Variants in PCDH7 observed in about 807,000 individuals in gnomAD.
PCDH7 encodes protocadherin-7.
Under a neutral mutation model 58.9 loss-of-function variants are expected in PCDH7, and 17 were observed. The ratio of observed to expected loss-of-function variants is 0.29; its 90% CI spans 0.20 to 0.43. PCDH7 has a LOEUF of 0.43. Ranked by LOEUF, PCDH7 falls within the 20% of genes least tolerant of loss-of-function variation. PCDH7 has a pLI of 1.00. For synonymous variants in PCDH7, 664 were observed against 616.4 expected (o/e 1.08, Z -1.14); for missense variants, 1,274 against 1,441.0 (o/e 0.88, Z 1.88).
At chr4:31,031,258 T>G (rs185521941) in intron 3 of PCDH7, among the ~76,000 whole-genome samples, 5 of 152,308 alleles carry the variant, frequency 3.3e-5, no homozygotes, top group East Asian at 3.9e-4. Flanking sequence ...CTGGAGACAT[T>G]TTTGTTTGTC....
intron 1 of PCDH7, among the ~76,000 whole-genome samples, chr4:30,846,145 C>T (rs1731915119): frequency 6.6e-6 from 1 of 152,010 alleles, no homozygotes. Flanking sequence ...CAGGGTTTCC[C>T]AATGTTGGCA....
chr4:30,840,364 C>G (rs1731052231), intron 1 of PCDH7, among the ~76,000 whole-genome samples: 1 of 152,068 alleles, frequency 6.6e-6, no homozygotes, highest in Non-Finnish European at 1.5e-5. Flanking sequence ...AGTGTGGTAA[C>G]CTTAAACTCG....
chr4:31,138,818 T>C (rs1257034756), intron 3 of PCDH7, among the ~76,000 whole-genome samples: 1 of 151,704 alleles, frequency 6.6e-6, no homozygotes, highest in African/African-American at 2.4e-5. Context: ...TTTGAAACAA[T>C]ACAAAAATTA....
intron 3 of PCDH7, among the ~76,000 whole-genome samples, chr4:30,964,804 C>T (rs1018894191): frequency 2.6e-5 from 4 of 152,048 alleles, no homozygotes; most frequent in Admixed American, 6.5e-5. Flanking sequence ...TTCCCTTTTC[C>T]ACATTTTACA....
intron 1 of PCDH7, among the ~76,000 whole-genome samples, chr4:30,828,519 A>G (rs1307256958): frequency 1.3e-5 from 2 of 151,918 alleles, no homozygotes; most frequent in African/African-American, 4.8e-5. Context: ...AGTTTCCCCC[A>G]TGAGAATGCA....
At chr4:30,737,674 T>C (rs1716495787), downstream of PCDH7, among the ~76,000 whole-genome samples, 2 of 152,192 alleles carry the variant, frequency 1.3e-5, no homozygotes, top group South Asian at 2.1e-4. Flanking sequence ...GCCTTCCACA[T>C]ATACCAGTAG....
intron 1 of PCDH7, among the ~76,000 whole-genome samples, chr4:30,776,814 C>T (rs887014047): frequency 7.9e-5 from 12 of 151,578 alleles, no homozygotes; most frequent in South Asian, 2.1e-4. Flanking sequence ...ATTAGGTACA[C>T]GTACTGGTTG....
At chr4:31,006,078 T>C (rs2109144443) in intron 3 of PCDH7, among the ~76,000 whole-genome samples, 1 of 152,284 alleles carries the variant, frequency 6.6e-6, no homozygotes, top group African/African-American at 2.4e-5. Flanking sequence ...TCAATACAAA[T>C]AAAGGGCTAA....
intron 3 of PCDH7, among the ~76,000 whole-genome samples, chr4:30,997,925 G>C (rs535192362): frequency 7.2e-5 from 11 of 151,928 alleles, no homozygotes; most frequent in South Asian, 2.1e-4. Context: ...GTGTGTGGAG[G>C]CTTCAGCAAA....
At chr4:30,731,359 G>GTATATATATATA (rs947195769) in exon 2 of PCDH7, 1 of 149,422 alleles carries the variant, frequency 6.7e-6, no homozygotes, top group African/African-American at 2.6e-5. Context: ...GTGTGTGTGT[G>GTATATATATATA]TGTATATATA....
At chr4:30,871,608 C>T (rs1433978350) in intron 1 of PCDH7, among the ~76,000 whole-genome samples, 3 of 152,078 alleles carry the variant, frequency 2.0e-5, no homozygotes, top group African/African-American at 7.2e-5. Flanking sequence ...CTGGTAACCT[C>T]TGCTAACTGT....
At position 31,042,971 on chromosome 4, in the gene PCDH7, C is replaced by G. The variant is rs543889637; in HGVS notation, c.*7+92756C>G. 3.8e-4 allele frequency among the ~76,000 whole-genome samples: 58 copies of G among 152,086 alleles called. 1 individual carries two copies. Among genetic ancestry groups the G allele is most frequent in the Non-Finnish European group, 6.8e-4 (46 of 68,006 alleles). On this transcript the variant is annotated intron_variant, in intron 3 of 3. Transcript: ENST00000509759. ...CCAAGGAAGCACAGGGTATCACATT[C>G]TGAGGGGCTCACAGGAGACAGCCAA...
intron 1 of PCDH7, among the ~76,000 whole-genome samples, chr4:30,778,013 C>G (rs1304932387): frequency 6.6e-6 from 1 of 152,034 alleles, no homozygotes; most frequent in Non-Finnish European, 1.5e-5. Flanking sequence ...ATCCTTTTAA[C>G]CCTTTGGAAA....
At chr4:30,995,468 T>C (rs1402650441) in intron 3 of PCDH7, among the ~76,000 whole-genome samples, 13 of 150,548 alleles carry the variant, frequency 8.6e-5, no homozygotes, top group Admixed American at 3.3e-4. Context: ...GTCGAGATCG[T>C]GCCACTGCAC....
chr4:30,976,585 G>A (rs1207757487), intron 3 of PCDH7, among the ~76,000 whole-genome samples: 1 of 151,544 alleles, frequency 6.6e-6, no homozygotes, highest in Non-Finnish European at 1.5e-5. Context: ...ATTTTTAGTA[G>A]AGATGGGGTT....
intron 2 of PCDH7, among the ~76,000 whole-genome samples, chr4:30,935,082 A>G (rs534841669): frequency 4.2e-4 from 64 of 152,270 alleles, no homozygotes; most frequent in African/African-American, 1.5e-3. Context: ...TAGATACATT[A>G]TTACTGAAGT....
At chr4:31,110,019 A>C (rs765905996) in intron 3 of PCDH7, among the ~76,000 whole-genome samples, 32 of 152,242 alleles carry the variant, frequency 2.1e-4, no homozygotes, top group Non-Finnish European at 4.3e-4. Context: ...AAGTATACCT[A>C]GAACACCATA....
At chr4:30,830,046 T>C (rs906949183) in intron 1 of PCDH7, among the ~76,000 whole-genome samples, 1 of 152,164 alleles carries the variant, frequency 6.6e-6, no homozygotes, top group Non-Finnish European at 1.5e-5. Context: ...TCATTTTATT[T>C]TTTATTGCTC....
chr4:31,138,875 C>T (rs1719924726), intron 3 of PCDH7, among the ~76,000 whole-genome samples: 1 of 151,364 alleles, frequency 6.6e-6, no homozygotes, highest in Admixed American at 6.6e-5. Flanking sequence ...ACTCAGGAGG[C>T]TGAGGCAGGA....
Sources: gnomAD v4.1 joint callset for allele counts (sites outside exome capture counted in the v4.1 genomes callset) on GRCh38, gnomAD v4.1.1 for gene constraint, MANE v1.5 for transcripts, NCBI Gene and HGNC (gene_info 2026-07-23, HGNC 2026-07-21) for gene names.